CFHR5: variants seen among roughly 807,000 people sequenced by gnomAD.
CFHR5 encodes the protein complement factor H related 5, also known as complement factor H-related protein 5.
In CFHR5, 73 loss-of-function variants were observed where a neutral mutation model predicts 62.9. The observed-to-expected ratio is 1.16, with a 90% CI of 0.96 to 1.41. The LOEUF is 1.41. Ranked by LOEUF, CFHR5 falls within the 40% of genes most tolerant of loss-of-function variation. CFHR5 has a pLI of 0.00. For missense variants in CFHR5, 779 were observed against 679.9 expected (o/e 1.15, Z -1.62); for synonymous variants, 249 against 227.2 (o/e 1.10, Z -0.86).
intron 7 of CFHR5, among the ~76,000 whole-genome samples, chr1:197,000,035 G>A (rs1445745915): frequency 1.3e-5 from 2 of 151,596 alleles, no homozygotes; most frequent in Non-Finnish European, 2.9e-5. Context: ...AGAATGGTGT[G>A]CATACACAAA....
chr1:196,983,965 G>T lies in CFHR5; in HGVS notation c.258G>T (p.Met86Ile), dbSNP rs775616599. The T allele has an allele frequency of 1.2e-6, 2 of 1,608,476 alleles. No homozygotes were observed. Among genetic ancestry groups the T allele is most frequent in the East Asian group, 4.5e-5 (2 of 44,774 alleles). ...TAATCAATTTTTGTTCCTTAGGAAT[G>T]TGTTCCTTTCCTTTTGTGAAAAATG... is the stretch of plus-strand genomic sequence containing the variant. Reference protein sequence around the residue: ...GWSPTPKCLRMCSFPFVKNGH... With the variant: ...GWSPTPKCLRICSFPFVKNGH... The change falls in exon 3 of 10, where the codon ATG becomes ATT. Residue 86 changes from methionine to isoleucine, a missense_variant. By Grantham distance (10) the Met-to-Ile change is conservative. Coordinates refer to ENST00000256785, the MANE Select transcript of CFHR5 (RefSeq NM_030787.4).
intron 9 of CFHR5, among the ~76,000 whole-genome samples, chr1:197,007,034 AC>A (rs2125040969): frequency 6.6e-6 from 1 of 151,866 alleles, no homozygotes; most frequent in South Asian, 2.1e-4. Flanking sequence ...ACAGGGTTTC[AC>A]CCTGTTGGCC....
intron 7 of CFHR5, among the ~76,000 whole-genome samples, chr1:197,000,161 T>G (rs1654109779): frequency 1.3e-5 from 2 of 151,800 alleles, no homozygotes; most frequent in Non-Finnish European, 2.9e-5. Flanking sequence ...ATACTATGAG[T>G]CATAGGTATC....
chr1:196,982,840 T>C (rs1321102352), intron 1 of CFHR5, 45 bp from the exon 2 acceptor site: 2 of 1,527,188 alleles, frequency 1.3e-6, no homozygotes, highest in East Asian at 2.3e-5. Context: ...GATTCATCGA[T>C]GTAGCTCTTT....
At chr1:197,004,131 T>G (rs1421947960) in intron 8 of CFHR5, among the ~76,000 whole-genome samples, 3 of 152,116 alleles carry the variant, frequency 2.0e-5, no homozygotes, top group Non-Finnish European at 4.4e-5. Flanking sequence ...AAGTTGTTAC[T>G]TTTTTTAGTT....
chr1:196,982,707 T>G (rs1329716606), intron 1 of CFHR5, among the ~76,000 whole-genome samples, 178 bp from the exon 2 acceptor site: 1 of 152,078 alleles, frequency 6.6e-6, no homozygotes, highest in African/African-American at 2.4e-5. Context: ...CAAATACTCT[T>G]CTATTCTTAT....
intron 7 of CFHR5, among the ~76,000 whole-genome samples, chr1:196,999,365 A>G (rs2125037037): frequency 6.6e-6 from 1 of 151,874 alleles, no homozygotes; most frequent in South Asian, 2.1e-4. Context: ...TTATGTGTCC[A>G]TGAAATGTTT....
At position 196,983,002 on chromosome 1, in the gene CFHR5, T is replaced by C. The variant is rs1450814873; in HGVS notation, c.176T>C (p.Phe59Ser). The C allele has an allele frequency of 6.2e-7, 1 of 1,614,130 alleles. No individual in the cohort carries two copies. Among genetic ancestry groups the C allele is most frequent in the Non-Finnish European group, 8.5e-7 (1 of 1,180,026 alleles). The change falls in exon 2 of 10, where the codon TTT (phenylalanine) becomes TCT (serine). Residue 59 changes from phenylalanine (F) to serine (S), a missense_variant. Physicochemically the swap from Phe to Ser is radical, Grantham distance 155 (BLOSUM62 -2). Transcript: ENST00000256785. ...EVFYYSCEYN[F>S]VSPSKSFWTR... ...TTCTATTACTCCTGTGAATATAATTTTGTGTCTCCTTCAAAATCCTTTTGG... is the reference window on the plus strand; with the variant it reads ...TTCTATTACTCCTGTGAATATAATTCTGTGTCTCCTTCAAAATCCTTTTGG...
chr1:196,983,105 T>C (rs1345247443), intron 2 of CFHR5, 26 bp downstream of exon 2: 11 of 1,612,846 alleles, frequency 6.8e-6, no homozygotes, highest in Admixed American at 1.7e-5. Context: ...GTTCATTAAA[T>C]GGATGTCATT....
intron 1 of CFHR5, among the ~76,000 whole-genome samples, chr1:196,978,293 A>G (rs1326203593): frequency 1.3e-5 from 2 of 152,124 alleles, no homozygotes; most frequent in East Asian, 1.9e-4. Flanking sequence ...CACAAATTTC[A>G]AAAGTGAAAT....
chr1:196,988,099 G>A (rs986737785), intron 3 of CFHR5, among the ~76,000 whole-genome samples: 2 of 152,066 alleles, frequency 1.3e-5, no homozygotes, highest in African/African-American at 4.8e-5. Context: ...CTTGTAAATA[G>A]GATTCCTAGG....
In CFHR5 at chr1:196,996,202, G is replaced by T. The variant is rs1406964956; in HGVS notation, c.970+1G>T. ...TGGACAGAGCTTCCTATGTGTGTTG[G>T]TGAGAAAACATTCCTAAACTTTATA... On this transcript the variant is annotated splice_donor_variant, in intron 6 of 9. Transcript: ENST00000256785. LOFTEE classifies it high-confidence loss of function. 1 of 1,600,122 alleles carries T rather than the reference G, an allele frequency of 6.2e-7. No homozygotes were observed. Among genetic ancestry groups the T allele is most frequent in the South Asian group, 1.1e-5 (1 of 90,786 alleles).
At chr1:197,007,668 A>C (rs1052323431) in intron 9 of CFHR5, among the ~76,000 whole-genome samples, 3 of 148,256 alleles carry the variant, frequency 2.0e-5, no homozygotes, top group African/African-American at 7.4e-5. Flanking sequence ...CATATGTAAC[A>C]TATCTAAATA....
chr1:197,008,761 A>G lies in CFHR5; in HGVS notation c.*78A>G, dbSNP rs1426780698. Reference sequence around the variant, plus strand: ...GTAGCCATTATGTAGCCAATTCTGTAGTTACTTCTTTTATTCTTTCAGGTG... The same window carrying G: ...GTAGCCATTATGTAGCCAATTCTGTGGTTACTTCTTTTATTCTTTCAGGTG... On this transcript the variant is annotated 3_prime_UTR_variant, in exon 10 of 10. Transcript: ENST00000256785. 1 of 1,154,992 alleles carries G rather than the reference A, an allele frequency of 8.7e-7. No individual in the cohort carries two copies. Among genetic ancestry groups the G allele is most frequent in the Non-Finnish European group, 1.3e-6 (1 of 767,566 alleles). The allele number at this position is 1,154,992 out of a possible 1,614,324, so 71.5% of individuals were successfully genotyped here. A position where few individuals can be genotyped will look rare whatever the true frequency, so the allele number is the denominator to read the frequency against.
Position 197,002,563 on chromosome 1 carries a change from G to A in CFHR5, c.1229G>A (p.Gly410Glu), listed in dbSNP as rs550955462. The A allele has an allele frequency of 8.7e-6, 14 of 1,613,444 alleles. No homozygotes were observed. In the Admixed American group the frequency reaches 2.2e-4, roughly 25 times the overall value. Residue 410 changes from glycine (G) to glutamate (E), a missense_variant, in exon 8 of 10, where the codon GGA becomes GAA. By Grantham distance (98) the Gly-to-Glu change is moderately conservative. Transcript: ENST00000256785. The part of the protein sequence containing the change: ...NMTTTVNYQD[G>E]EKVAVLCKEN... Reference sequence around the variant, plus strand: ...ACAACCACAGTGAATTATCAGGATGGAGAAAAAGTAGCTGTTCTCTGTAAA... The same window carrying A: ...ACAACCACAGTGAATTATCAGGATGAAGAAAAAGTAGCTGTTCTCTGTAAA...
At position 197,008,920 on chromosome 1, in the gene CFHR5, T is replaced by C. The variant is rs886045752; in HGVS notation, c.*237T>C. The C allele has an allele frequency of 6.7e-6, 3 of 447,632 alleles. No homozygotes were observed. Among genetic ancestry groups the C allele is most frequent in the African/African-American group, 2.0e-5 (1 of 50,646 alleles). 27.7% of individuals were successfully genotyped at this position (447,632 alleles called of 1,614,324 possible). On this transcript the variant is annotated 3_prime_UTR_variant, in exon 10 of 10. Coordinates refer to ENST00000256785, the MANE Select transcript of CFHR5 (RefSeq NM_030787.4). Reference sequence around the variant, plus strand: ...ATTGTTATAACAGAGTATCACAGACTGGATAACTTCTAACCAATAGTTTAT... The same window carrying C: ...ATTGTTATAACAGAGTATCACAGACCGGATAACTTCTAACCAATAGTTTAT...
chr1:196,995,846 C>A lies in CFHR5; in HGVS notation c.737C>A (p.Pro246His). The change falls in exon 5 of 10, where the codon CCT becomes CAT. Residue 246 changes from proline (P) to histidine (H), a missense_variant. Coordinates refer to ENST00000256785, the MANE Select transcript of CFHR5 (RefSeq NM_030787.4). The part of the protein sequence containing the change: ...DCNPNFIING[P>H]KKIQCVDGEW... ...AATCCTAATTTTATAATAAACGGGC[C>A]TAAGAAAATACAATGTGTGGATGGA... The A allele has an allele frequency of 6.2e-7, 1 of 1,613,174 alleles. No homozygotes were observed. The highest frequency in any genetic ancestry group is 8.5e-7 in the Non-Finnish European group (1 of 1,179,344).
rs984325850 is a variant in CFHR5, at chr1:197,001,928, A to C, written c.1148-554A>C. 7.2e-5 allele frequency among the ~76,000 whole-genome samples: 11 copies of C among 152,078 alleles called. 1 individual carries two copies. Among genetic ancestry groups the C allele is most frequent in the Admixed American group, 7.2e-4 (11 of 15,264 alleles). On this transcript the variant is annotated intron_variant, in intron 7 of 9. Transcript: ENST00000256785. ...TGACCATTTAAAACTTTTCCCTAAG[A>C]ATAAGCCAAGCAACCAAAAAAGAAT... is the stretch of plus-strand genomic sequence containing the variant.
chr1:196,979,635 G>C (rs1653486143), intron 1 of CFHR5, among the ~76,000 whole-genome samples: 1 of 152,136 alleles, frequency 6.6e-6, no homozygotes, highest in African/African-American at 2.4e-5. Flanking sequence ...AAGTCACTGA[G>C]TGAGTGGTGT....
Sources: gnomAD v4.1 joint callset for allele counts (sites outside exome capture counted in the v4.1 genomes callset) on GRCh38, gnomAD v4.1.1 for gene constraint, MANE v1.5 for transcripts, NCBI Gene and HGNC (gene_info 2026-07-23, HGNC 2026-07-21) for gene names.